IL1RAPL1: variants seen among roughly 807,000 people sequenced by gnomAD.
IL1RAPL1 encodes interleukin-1 receptor accessory protein-like 1.
In IL1RAPL1, 3 loss-of-function variants were observed where a neutral mutation model predicts 48.4. The ratio of observed to expected loss-of-function variants is 0.06; its 90% CI spans 0.03 to 0.16. IL1RAPL1 has a LOEUF of 0.16. Among genes scored for constraint, IL1RAPL1 ranks in the 10% least tolerant of loss-of-function variants. The pLI is 1.00. For missense variants in IL1RAPL1, 349 were observed against 530.6 expected (o/e 0.66, Z 3.36); for synonymous variants, 185 against 187.7 (o/e 0.99, Z 0.12).
intron 2 of IL1RAPL1, among the ~76,000 whole-genome samples, chrX:28,945,300 C>T (rs779779347): frequency 2.7e-5 from 3 of 111,189 alleles, no homozygotes; most frequent in Non-Finnish European, 5.7e-5. Flanking sequence ...CACATTCACA[C>T]GTATGTTTAT....
At chrX:29,774,059 T>C (rs903253086) in intron 6 of IL1RAPL1, among the ~76,000 whole-genome samples, 2 of 110,847 alleles carry the variant, frequency 1.8e-5, no homozygotes, top group African/African-American at 6.6e-5. Flanking sequence ...AAACTACTAT[T>C]TATAGGAATC....
At chrX:29,666,182 G>A (rs1453810413) in intron 5 of IL1RAPL1, among the ~76,000 whole-genome samples, 1 of 110,894 alleles carries the variant, frequency 9.0e-6, no homozygotes, top group Non-Finnish European at 1.9e-5. Context: ...TAAGGTATAA[G>A]GACAGAAACT....
At position 29,284,711 on chromosome X, in the gene IL1RAPL1, C is replaced by T. The variant is rs1932254592; in HGVS notation, c.362+1494C>T. On this transcript the variant is annotated intron_variant, in intron 3 of 10. Coordinates refer to ENST00000378993, the MANE Select transcript of IL1RAPL1 (RefSeq NM_014271.4). ...AGTGAGCCAAGATCACACCACTGTA[C>T]TCCAGCCTGGGCAACAGAGCGAGAC... is the stretch of plus-strand genomic sequence containing the variant. Among the ~76,000 whole-genome samples, 2 of 112,245 alleles carry T rather than the reference C, an allele frequency of 1.8e-5. 1 individual carries two copies. The highest frequency in any genetic ancestry group is 7.4e-4 in the South Asian group (2 of 2,693).
chrX:29,296,156 C>A (rs1332100909), intron 3 of IL1RAPL1, among the ~76,000 whole-genome samples: 1 of 111,808 alleles, frequency 8.9e-6, no homozygotes, highest in Non-Finnish European at 1.9e-5. Context: ...AATTGCATCA[C>A]AGAGTTTAAT....
intron 1 of IL1RAPL1, among the ~76,000 whole-genome samples, chrX:28,666,200 C>T (rs1403834421): frequency 4.5e-5 from 5 of 112,073 alleles, no homozygotes; most frequent in Non-Finnish European, 7.5e-5. Context: ...TGTGCTGCTG[C>T]AGGATGCCCG....
At chrX:29,153,499 C>A (rs1929507344) in intron 2 of IL1RAPL1, among the ~76,000 whole-genome samples, 1 of 111,715 alleles carries the variant, frequency 9.0e-6, no homozygotes, top group African/African-American at 3.3e-5. Flanking sequence ...TACAGATGTT[C>A]TTGATGCTAG....
chrX:28,899,947 C>T (rs1053636625), intron 2 of IL1RAPL1, among the ~76,000 whole-genome samples: 1 of 112,089 alleles, frequency 8.9e-6, no homozygotes. Context: ...TGGTAATTAG[C>T]AGGAGTCAGG....
At chrX:29,260,348 T>G (rs1569271935) in intron 2 of IL1RAPL1, among the ~76,000 whole-genome samples, 2 of 112,119 alleles carry the variant, frequency 1.8e-5, no homozygotes, top group Admixed American at 9.5e-5. Flanking sequence ...GGAAAGAAGT[T>G]TAACGGACTC....
intron 2 of IL1RAPL1, among the ~76,000 whole-genome samples, chrX:29,160,012 C>A (rs1303651036): frequency 2.7e-5 from 3 of 111,867 alleles, no homozygotes; most frequent in Non-Finnish European, 3.8e-5. Context: ...CACCCAGCCT[C>A]TTTTCTTCTT....
chrX:28,723,493 TGTTA>T (rs1935619992), intron 1 of IL1RAPL1, among the ~76,000 whole-genome samples: 1 of 111,797 alleles, frequency 8.9e-6, no homozygotes, highest in Admixed American at 9.5e-5. Flanking sequence ...TTTTCTTCTT[TGTTA>T]GTCTTGCTAG....
intron 6 of IL1RAPL1, among the ~76,000 whole-genome samples, chrX:29,684,179 T>C (rs1000804105): frequency 2.7e-5 from 3 of 111,495 alleles, no homozygotes; most frequent in African/African-American, 9.8e-5. Flanking sequence ...CTTATCCTGA[T>C]TGATTTATAA....
intron 6 of IL1RAPL1, among the ~76,000 whole-genome samples, chrX:29,711,521 T>A (rs1423920711): frequency 9.0e-6 from 1 of 111,467 alleles, no homozygotes; most frequent in Admixed American, 9.6e-5. Flanking sequence ...AAAATAATTA[T>A]TTTTTCTCTG....
chrX:28,737,248 T>TTTCC (rs1468357392), intron 1 of IL1RAPL1, among the ~76,000 whole-genome samples: 2 of 98,541 alleles, frequency 2.0e-5, no homozygotes, highest in Admixed American at 2.4e-4. Context: ...TCTTTCTTTC[T>TTTCC]TTCTTTCTTT....
chrX:29,231,459 A>G (rs2147558156), intron 2 of IL1RAPL1, among the ~76,000 whole-genome samples: 1 of 112,150 alleles, frequency 8.9e-6, no homozygotes, highest in Non-Finnish European at 1.9e-5. Context: ...TTTATTTACA[A>G]CAAAGCCTTG....
chrX:28,787,727 A>C (rs1357708285), intron 1 of IL1RAPL1, among the ~76,000 whole-genome samples: 3 of 111,710 alleles, frequency 2.7e-5, no homozygotes, highest in Non-Finnish European at 3.8e-5. Flanking sequence ...AAAACCATTC[A>C]GAAGTATCTG....
At chrX:29,104,607 ATAAC>A (rs1928411586) in intron 2 of IL1RAPL1, among the ~76,000 whole-genome samples, 1 of 111,601 alleles carries the variant, frequency 9.0e-6, no homozygotes, top group Non-Finnish European at 1.9e-5. Context: ...ACATTTAAAA[ATAAC>A]TAAAAGAATA....
intron 5 of IL1RAPL1, among the ~76,000 whole-genome samples, chrX:29,634,621 G>T (rs985898741): frequency 6.3e-5 from 7 of 111,273 alleles, no homozygotes; most frequent in Non-Finnish European, 1.1e-4. Context: ...CTTTGGTGTG[G>T]GTGTGGTGAT....
chrX:29,459,816 G>C (rs930130925), intron 5 of IL1RAPL1, among the ~76,000 whole-genome samples: 2 of 111,595 alleles, frequency 1.8e-5, no homozygotes, highest in Non-Finnish European at 3.8e-5. Flanking sequence ...CTAATGCATT[G>C]CTATTAACTC....
intron 6 of IL1RAPL1, among the ~76,000 whole-genome samples, chrX:29,810,833 T>G (rs187186556): frequency 1.8e-5 from 2 of 112,174 alleles, no homozygotes; most frequent in South Asian, 7.4e-4. Flanking sequence ...CTAAGACTTA[T>G]AGAGTTTTTT....
Sources: allele counts gnomAD v4.1 joint callset (sites outside exome capture counted in the v4.1 genomes callset), GRCh38; gene constraint gnomAD v4.1.1; transcripts MANE v1.5; gene names NCBI Gene and HGNC (gene_info 2026-07-23, HGNC 2026-07-21).